Variants in EEF1AKMT2 observed in about 807,000 individuals in gnomAD.
EEF1AKMT2 encodes the protein eukaryotic translation elongation factor 1 alpha lysine methyltransferase 2.
Under a neutral mutation model 35.8 loss-of-function variants are expected in EEF1AKMT2, and 32 were observed. That is an observed-to-expected ratio of 0.89 (90% CI 0.67 to 1.20). EEF1AKMT2 has a LOEUF of 1.20. Among genes scored for constraint, EEF1AKMT2 ranks in the 50% most tolerant of loss-of-function variants. The pLI is 0.00. For synonymous variants in EEF1AKMT2, 121 were observed against 133.7 expected (o/e 0.91, Z 0.65); for missense variants, 330 against 347.5 (o/e 0.95, Z 0.40).
In EEF1AKMT2 at chr10:124,789,930, C is replaced by T. The variant is rs529569298; in HGVS notation, c.176+343G>A. Among the ~76,000 whole-genome samples the T allele has an allele frequency of 1.5e-4, 22 of 148,378 alleles. No homozygotes were observed. In the East Asian group the frequency reaches 3.4e-3, roughly 23 times the overall value. Reference sequence around the variant, plus strand: ...TTTTTGAGATGGAGTCTCACTCTGTCGCCCAGGATGGAGTGCAGTGGCGCG... The same window carrying T: ...TTTTTGAGATGGAGTCTCACTCTGTTGCCCAGGATGGAGTGCAGTGGCGCG... On this transcript the variant is annotated intron_variant, in intron 2 of 6. Coordinates refer to ENST00000368836, the MANE Select transcript of EEF1AKMT2 (RefSeq NM_212554.4).
chr10:124,789,694 G>A (rs951539225), intron 2 of EEF1AKMT2, among the ~76,000 whole-genome samples: 13 of 150,474 alleles, frequency 8.6e-5, no homozygotes, highest in African/African-American at 2.9e-4. Context: ...GGTCCAGGAT[G>A]TAACGAGTTA....
chr10:124,790,189 G>A lies in EEF1AKMT2; in HGVS notation c.176+84C>T, dbSNP rs867213140. On this transcript the variant is annotated intron_variant, in intron 2 of 6. Transcript: ENST00000368836. ...ATTACAGGCGTAAGCCACCGCGCCC[G>A]GCGAATATATACGTATTTTTTTAAA... is the stretch of plus-strand genomic sequence containing the variant. 81 of 1,116,242 alleles carry A rather than the reference G, an allele frequency of 7.3e-5. 2 individuals carry two copies. In the Middle Eastern group the frequency reaches 9.9e-3, roughly 136 times the overall value. 69.1% of individuals were successfully genotyped at this position (1,116,242 alleles called of 1,614,324 possible).
chr10:124,765,703 C>T (rs1182848411), intron 4 of EEF1AKMT2, 95 bp from the exon 5 acceptor site: 1 of 868,528 alleles, frequency 1.2e-6, no homozygotes, highest in Non-Finnish European at 1.8e-6. Flanking sequence ...ATAAAAGGAC[C>T]CATTAATTAT....
At chr10:124,769,123 TG>T (rs1950405067) in intron 4 of EEF1AKMT2, among the ~76,000 whole-genome samples, 1 of 146,800 alleles carries the variant, frequency 6.8e-6, no homozygotes, top group Admixed American at 6.9e-5. Context: ...GAGGCTTTGG[TG>T]GAAGAATCAC....
intron 4 of EEF1AKMT2, among the ~76,000 whole-genome samples, chr10:124,774,125 T>C (rs1054423208): frequency 5.3e-5 from 8 of 152,102 alleles, no homozygotes; most frequent in African/African-American, 1.9e-4. Context: ...CCCAGCACTC[T>C]GGGAGGCCGA....
At chr10:124,781,561 A>G (rs1323594614) in intron 3 of EEF1AKMT2, among the ~76,000 whole-genome samples, 2 of 147,348 alleles carry the variant, frequency 1.4e-5, no homozygotes, top group African/African-American at 5.0e-5. Context: ...ACTGCACTCC[A>G]GCCTGGGTGA....
chr10:124,775,387 G>C (rs538393433), intron 3 of EEF1AKMT2, among the ~76,000 whole-genome samples: 1 of 152,266 alleles, frequency 6.6e-6, no homozygotes, highest in South Asian at 2.1e-4. Context: ...CAATGGACTT[G>C]AGAGTTTTGG....
chr10:124,762,595 C>G, intron 5 of EEF1AKMT2, 37 bp from the exon 6 acceptor site: 2 of 1,060,332 alleles, frequency 1.9e-6, no homozygotes. Context: ...GTTTCAAAAA[C>G]AGAAATAAAA....
intron 4 of EEF1AKMT2, chr10:124,765,846 T>G (rs1417755577): frequency 5.2e-6 from 2 of 383,694 alleles, no homozygotes; most frequent in South Asian, 4.7e-5. Flanking sequence ...CTCTACAAAT[T>G]TGGAAACAAA....
At chr10:124,779,889 C>T (rs1373487365) in intron 3 of EEF1AKMT2, among the ~76,000 whole-genome samples, 5 of 150,894 alleles carry the variant, frequency 3.3e-5, no homozygotes, top group East Asian at 3.9e-4. Flanking sequence ...AGTGAAACCC[C>T]GTCTCTACTA....
At chr10:124,778,516 G>A (rs571773506) in intron 3 of EEF1AKMT2, among the ~76,000 whole-genome samples, 11 of 152,124 alleles carry the variant, frequency 7.2e-5, no homozygotes, top group African/African-American at 2.6e-4. Flanking sequence ...CTAAGGTCAG[G>A]AGTTCGAGAC....
At chr10:124,787,306 G>T (rs1331137635) in intron 3 of EEF1AKMT2, among the ~76,000 whole-genome samples, 1 of 151,770 alleles carries the variant, frequency 6.6e-6, no homozygotes, top group African/African-American at 2.4e-5. Context: ...AATGGCGTGC[G>T]CCTGTAATCC....
At chr10:124,765,064 G>C (rs1950367098) in intron 5 of EEF1AKMT2, among the ~76,000 whole-genome samples, 1 of 152,116 alleles carries the variant, frequency 6.6e-6, no homozygotes, top group Non-Finnish European at 1.5e-5. Flanking sequence ...ACCAATCCCA[G>C]CTAATTTTTT....
intron 2 of EEF1AKMT2, among the ~76,000 whole-genome samples, chr10:124,789,699 G>A (rs1178576889): frequency 2.7e-5 from 4 of 150,042 alleles, no homozygotes; most frequent in African/African-American, 9.8e-5. Flanking sequence ...AGGATGTAAC[G>A]AGTTATGATG....
At chr10:124,776,164 G>A (rs914258390) in intron 3 of EEF1AKMT2, among the ~76,000 whole-genome samples, 1 of 151,770 alleles carries the variant, frequency 6.6e-6, no homozygotes, top group African/African-American at 2.4e-5. Flanking sequence ...CTCGTGATCC[G>A]CCCACCTCGG....
chr10:124,774,805 T>C, intron 3 of EEF1AKMT2, 23 bp from the exon 4 acceptor site: 1 of 1,142,544 alleles, frequency 8.8e-7, no homozygotes, highest in South Asian at 2.0e-5. Flanking sequence ...AATTTTATAC[T>C]TTAGTATAAA....
At chr10:124,784,506 T>G (rs1316855381) in intron 3 of EEF1AKMT2, among the ~76,000 whole-genome samples, 4 of 151,920 alleles carry the variant, frequency 2.6e-5, no homozygotes, top group Admixed American at 2.6e-4. Context: ...TTCATAGCAT[T>G]CATAGCATTA....
At chr10:124,767,560 A>T (rs549452396) in intron 4 of EEF1AKMT2, among the ~76,000 whole-genome samples, 3 of 151,968 alleles carry the variant, frequency 2.0e-5, no homozygotes, top group Non-Finnish European at 4.4e-5. Flanking sequence ...AATATACCTT[A>T]TATTCTACAA....
intron 3 of EEF1AKMT2, among the ~76,000 whole-genome samples, chr10:124,782,490 G>C (rs1267129025): frequency 6.6e-6 from 1 of 150,548 alleles, no homozygotes; most frequent in Admixed American, 6.7e-5. Flanking sequence ...GCTGAGGCAG[G>C]AGAATGGCGT....
Sources: gnomAD v4.1 joint callset for allele counts (sites outside exome capture counted in the v4.1 genomes callset) on GRCh38, gnomAD v4.1.1 for gene constraint, MANE v1.5 for transcripts, NCBI Gene and HGNC (gene_info 2026-07-23, HGNC 2026-07-21) for gene names.